TEAD4: variants seen among roughly 807,000 people sequenced by gnomAD.
TEAD4 encodes the protein TEA domain transcription factor 4.
A neutral mutation model predicts 52.4 loss-of-function variants in TEAD4; 36 were observed. That is an observed-to-expected ratio of 0.69 (90% CI 0.53 to 0.91). The LOEUF (loss-of-function observed/expected upper bound fraction) is 0.91, where lower values mean the gene tolerates loss of function less well. TEAD4 is among the 40% of genes least tolerant of loss of function. TEAD4 has a pLI of 0.00. For synonymous variants in TEAD4, 220 were observed against 231.0 expected (o/e 0.95, Z 0.43); for missense variants, 508 against 583.9 (o/e 0.87, Z 1.34).
chr12:3,022,563 C>T (rs1376929111), intron 10 of TEAD4, among the ~76,000 whole-genome samples: 1 of 152,246 alleles, frequency 6.6e-6, no homozygotes, highest in African/African-American at 2.4e-5. Flanking sequence ...TCTCAGATAG[C>T]TCAGCCTGTA....
chr12:2,999,399 G>A (rs376323828), intron 3 of TEAD4, among the ~76,000 whole-genome samples: 22 of 152,302 alleles, frequency 1.4e-4, no homozygotes, highest in Middle Eastern at 3.4e-3. Flanking sequence ...CTGGGGACCC[G>A]GCCTTAGCTG....
rs992532001 is a variant in TEAD4 at position 2,979,194 on chromosome 12, G to A, written c.-29-15544G>A. Among the ~76,000 whole-genome samples the A allele has an allele frequency of 4.6e-5, 7 of 152,230 alleles. No homozygotes were observed. The East Asian group carries it at 5.8e-4, about 13-fold the overall frequency. On this transcript the variant is annotated intron_variant, in intron 2 of 12. Coordinates refer to ENST00000359864, the MANE Select transcript of TEAD4 (RefSeq NM_003213.4). ...GCCTCCCAAAGTGCTGGGATTACAG[G>A]CGTGAGCCACCGCGCCCGGTCTCAT...
intron 2 of TEAD4, among the ~76,000 whole-genome samples, chr12:2,985,342 G>A (rs949555041): frequency 6.6e-6 from 1 of 151,376 alleles, no homozygotes; most frequent in Non-Finnish European, 1.5e-5. Flanking sequence ...CCGAGATTGC[G>A]CCACTGTACT....
chr12:2,967,913 C>T (rs2098221725), intron 2 of TEAD4, among the ~76,000 whole-genome samples: 1 of 152,112 alleles, frequency 6.6e-6, no homozygotes, highest in Admixed American at 6.6e-5. Context: ...GTGGTAAGGT[C>T]TGTGTCAAGG....
chr12:3,002,430 CTG>C (rs2098252465), intron 3 of TEAD4, among the ~76,000 whole-genome samples: 2 of 152,370 alleles, frequency 1.3e-5, no homozygotes, highest in Admixed American at 1.3e-4. Context: ...AACCACCAAA[CTG>C]TTTTCCACAG....
At chr12:2,964,353 C>T (rs1055230772) in intron 2 of TEAD4, among the ~76,000 whole-genome samples, 1 of 152,168 alleles carries the variant, frequency 6.6e-6, no homozygotes, top group African/African-American at 2.4e-5. Flanking sequence ...TGGCTGTGAG[C>T]CTTGGGCAGT....
At chr12:2,983,761 C>T (rs2098235916) in intron 2 of TEAD4, among the ~76,000 whole-genome samples, 2 of 152,232 alleles carry the variant, frequency 1.3e-5, no homozygotes, top group South Asian at 4.1e-4. Context: ...GTTCTCCCCA[C>T]AGAGAAATCA....
At chr12:2,960,315 G>C in intron 2 of TEAD4, 1 of 985,516 alleles carries the variant, frequency 1.0e-6, no homozygotes, top group Non-Finnish European at 1.2e-6. Flanking sequence ...CCTCTTTTCT[G>C]CTGGGCCCTT....
chr12:3,021,070 T>C (rs2098268387), intron 9 of TEAD4, among the ~76,000 whole-genome samples: 1 of 152,062 alleles, frequency 6.6e-6, no homozygotes, highest in South Asian at 2.1e-4. Flanking sequence ...TAGTCCAAGG[T>C]TGCTCTGGTC....
chr12:3,029,889 A>G (rs2098274455), intron 10 of TEAD4, among the ~76,000 whole-genome samples: 1 of 152,158 alleles, frequency 6.6e-6, no homozygotes, highest in Admixed American at 6.5e-5. Flanking sequence ...GGGGAAATCA[A>G]TAAATATGTG....
intron 10 of TEAD4, among the ~76,000 whole-genome samples, chr12:3,026,777 A>T (rs940942783): frequency 6.6e-6 from 1 of 152,198 alleles, no homozygotes; most frequent in South Asian, 2.1e-4. Flanking sequence ...TAAAGTGTGC[A>T]TCCTACAGTT....
At chr12:3,031,738 C>T (rs1250891589) in intron 10 of TEAD4, among the ~76,000 whole-genome samples, 1 of 152,188 alleles carries the variant, frequency 6.6e-6, no homozygotes, top group African/African-American at 2.4e-5. Flanking sequence ...ACCTCATCTG[C>T]AGAGGGGAAA....
In TEAD4 at chr12:2,959,618, T is replaced by TGCGCTCCGAC. The variant is rs1323006192; in HGVS notation, c.-123+146_-123+155dup. On this transcript the variant is annotated intron_variant, in intron 1 of 12. Transcript: ENST00000359864. The surrounding 1 kb of genome is among the most constrained non-coding windows in gnomAD (Gnocchi z 5.1). ...CGCCCGCGTTCCCGCCTTGGACCTC[T>TGCGCTCCGAC]GCGCTCCGACGCGCTCCGTCCCGAC... 1 of 150,982 alleles carries TGCGCTCCGAC rather than the reference T, an allele frequency of 6.6e-6. No individual in the cohort carries two copies. The highest frequency in any genetic ancestry group is 6.6e-5 in the Admixed American group (1 of 15,134). 9.4% of individuals were successfully genotyped at this position (150,982 alleles called of 1,614,324 possible). A position where few individuals can be genotyped will look rare whatever the true frequency, so the allele number is the denominator to read the frequency against.
intron 2 of TEAD4, among the ~76,000 whole-genome samples, chr12:2,962,285 T>TA (rs2098216068): frequency 1.5e-5 from 2 of 137,024 alleles, no homozygotes; most frequent in African/African-American, 2.8e-5. Flanking sequence ...TTTATATATA[T>TA]TTATTTATAT....
chr12:2,980,013 G>C (rs1213408842), intron 2 of TEAD4, among the ~76,000 whole-genome samples: 1 of 152,138 alleles, frequency 6.6e-6, no homozygotes. Context: ...GCCCTCTCCT[G>C]TGCTCACTGA....
chr12:3,001,985 G>A (rs1251487133), intron 3 of TEAD4, among the ~76,000 whole-genome samples: 1 of 151,746 alleles, frequency 6.6e-6, no homozygotes, highest in East Asian at 1.9e-4. Flanking sequence ...TTAGCTACTC[G>A]GGAGGCTGAG....
chr12:2,995,343 A>G lies in TEAD4; in HGVS notation c.226+351A>G, dbSNP rs2098246254. Among the ~76,000 whole-genome samples the G allele has an allele frequency of 2.0e-5, 3 of 152,168 alleles. No individual in the cohort carries two copies. In the South Asian group the frequency reaches 6.2e-4, roughly 32 times the overall value. On this transcript the variant is annotated intron_variant, in intron 3 of 12. Coordinates refer to ENST00000359864, the MANE Select transcript of TEAD4 (RefSeq NM_003213.4). ...AGGCTGCCCACCTTGGCTGTGAAGG[A>G]TGCTCACTCATCCCCTCTTTCCCTC...
chr12:3,000,512 C>T (rs1264856354), intron 3 of TEAD4, among the ~76,000 whole-genome samples: 1 of 152,100 alleles, frequency 6.6e-6, no homozygotes, highest in Non-Finnish European at 1.5e-5. Flanking sequence ...GCTCTGTTAG[C>T]TCATTAATCC....
chr12:3,038,691 G>T lies in TEAD4; in HGVS notation c.1038+583G>T, dbSNP rs538621825. On this transcript the variant is annotated intron_variant, in intron 11 of 12. Transcript: ENST00000359864. ...CGGCCAAGGGCAGTGCAGGGCAGTG[G>T]TGAGGAGCATAAGCGCAGGTGAATC... Among the ~76,000 whole-genome samples, 157 of 152,338 alleles carry T rather than the reference G, an allele frequency of 1.0e-3. 1 individual carries two copies. The highest frequency in any genetic ancestry group is 8.5e-3 in the Admixed American group (130 of 15,302).
Sources: gnomAD v4.1 joint callset for allele counts (sites outside exome capture counted in the v4.1 genomes callset) on GRCh38, gnomAD v4.1.1 for gene constraint, Gnocchi (gnomAD v3.1) non-coding constraint, MANE v1.5 for transcripts, NCBI Gene and HGNC (gene_info 2026-07-23, HGNC 2026-07-21) for gene names.